Variants in KCNQ5 observed in about 807,000 individuals in gnomAD.
The protein encoded by KCNQ5 is potassium voltage-gated channel subfamily Q member 5.
Under a neutral mutation model 98.2 loss-of-function variants are expected in KCNQ5, and 30 were observed. That is an observed-to-expected ratio of 0.31 (90% CI 0.23 to 0.41). The LOEUF (loss-of-function observed/expected upper bound fraction) is 0.41, where lower values mean the gene tolerates loss of function less well. KCNQ5 is among the 10% of genes least tolerant of loss of function. KCNQ5 has a pLI of 1.00. For synonymous variants in KCNQ5, 458 were observed against 449.4 expected, an observed-to-expected ratio of 1.02 and a Z score of -0.24; for missense variants, 835 against 1,182.5, an observed-to-expected ratio of 0.71 and a Z score of 4.31.
chr6:72,674,479 A>G (rs1767304971), intron 1 of KCNQ5, among the ~76,000 whole-genome samples: 1 of 151,950 alleles, frequency 6.6e-6, no homozygotes, highest in Non-Finnish European at 1.5e-5. Context: ...TTTTTAAGTT[A>G]AAAAAAAGAG....
chr6:73,122,900 G>C (rs188791359), intron 8 of KCNQ5, among the ~76,000 whole-genome samples: 1 of 152,160 alleles, frequency 6.6e-6, no homozygotes, highest in Non-Finnish European at 1.5e-5. Context: ...GACTTAGAGG[G>C]ATCTTTTTAC....
At chr6:72,716,063 A>C (rs1336342665) in intron 1 of KCNQ5, among the ~76,000 whole-genome samples, 1 of 152,128 alleles carries the variant, frequency 6.6e-6, no homozygotes, top group East Asian at 1.9e-4. Flanking sequence ...AAAAATTCCT[A>C]ATATGTTATA....
chr6:72,775,848 C>A (rs1773136861), intron 1 of KCNQ5, among the ~76,000 whole-genome samples: 1 of 152,044 alleles, frequency 6.6e-6, no homozygotes, highest in African/African-American at 2.4e-5. Context: ...ACAAGGAAAG[C>A]CTGAGAACTT....
At chr6:73,104,001 CA>C in intron 5 of KCNQ5, among the ~76,000 whole-genome samples, 1 of 151,724 alleles carries the variant, frequency 6.6e-6, no homozygotes, top group African/African-American at 2.4e-5. Flanking sequence ...TGTGTACCCA[CA>C]AAAATTAAAA....
chr6:72,901,195 AT>A (rs1779490715), intron 1 of KCNQ5, among the ~76,000 whole-genome samples: 2 of 123,484 alleles, frequency 1.6e-5, no homozygotes, highest in African/African-American at 3.1e-5. Flanking sequence ...CCATTTTTTG[AT>A]GGGATTTATT....
intron 1 of KCNQ5, among the ~76,000 whole-genome samples, chr6:72,842,703 T>C (rs933624241): frequency 6.6e-6 from 1 of 152,252 alleles, no homozygotes; most frequent in South Asian, 2.1e-4. Flanking sequence ...TGGTATCTCA[T>C]TGCAGTTTTG....
chr6:73,015,877 T>C (rs929098767), intron 2 of KCNQ5, among the ~76,000 whole-genome samples: 1 of 152,114 alleles, frequency 6.6e-6, no homozygotes, highest in Non-Finnish European at 1.5e-5. Context: ...ACCTCCTCCT[T>C]CCTGAAATAA....
At chr6:73,175,944 T>TA (rs752405251) in intron 11 of KCNQ5, among the ~76,000 whole-genome samples, 3 of 151,880 alleles carry the variant, frequency 2.0e-5, no homozygotes, top group Non-Finnish European at 4.4e-5. Context: ...CTAAGGAGGA[T>TA]ATAGAGGCTG....
At position 72,979,096 on chromosome 6, in the gene KCNQ5, G is replaced by A. The variant is rs184407713; in HGVS notation, c.399-24812G>A. Among the ~76,000 whole-genome samples, 5 of 152,304 alleles carry A rather than the reference G, an allele frequency of 3.3e-5. No individual in the cohort carries two copies. The East Asian group carries it at 9.6e-4, about 29-fold the overall frequency. On this transcript the variant is annotated intron_variant, in intron 1 of 13. Transcript: ENST00000370398. ...CTATCATTGATGAATATTTGGGTTG[G>A]TTCCAAGTCTTTGCTATTGTGAATA...
At chr6:72,839,253 A>G (rs2150131524) in intron 1 of KCNQ5, among the ~76,000 whole-genome samples, 1 of 152,318 alleles carries the variant, frequency 6.6e-6, no homozygotes, top group Middle Eastern at 3.4e-3. Flanking sequence ...TTGTCTTGGT[A>G]TACTGGTGTT....
At chr6:72,649,389 G>A (rs1188280115) in intron 1 of KCNQ5, among the ~76,000 whole-genome samples, 2 of 152,136 alleles carry the variant, frequency 1.3e-5, no homozygotes, top group African/African-American at 4.8e-5. Context: ...TAGGAAACTC[G>A]TGTATAGGCA....
chr6:72,980,271 A>G (rs1407673082), intron 1 of KCNQ5, among the ~76,000 whole-genome samples: 1 of 152,156 alleles, frequency 6.6e-6, no homozygotes, highest in Non-Finnish European at 1.5e-5. Flanking sequence ...CTTGGGCGGT[A>G]TGGCCATTTT....
At chr6:73,014,980 T>C (rs1012590559) in intron 2 of KCNQ5, among the ~76,000 whole-genome samples, 5 of 152,110 alleles carry the variant, frequency 3.3e-5, no homozygotes, top group African/African-American at 1.2e-4. Context: ...CATGAAATTG[T>C]AAGGGTTTGA....
In KCNQ5 at chr6:73,194,637, C is replaced by T. The variant is rs759476280; in HGVS notation, c.2022C>T (p.Gly674=). The T allele has an allele frequency of 6.2e-7, 1 of 1,614,246 alleles. No homozygotes were observed. Among genetic ancestry groups the T allele is most frequent in the South Asian group, 1.1e-5 (1 of 91,090 alleles). ...TTTCGGGTTCCGCACAAAACAGTGG[C>T]TGCTTATCCAGATCAACTAGTGCCA... ...KDLSGSAQNS[G]CLSRSTSANI... is the part of the protein sequence containing the mutation. The change falls in exon 14 of 14, where the codon GGC becomes GGT. Residue 674 remains glycine, a synonymous_variant. Transcript: ENST00000370398.
intron 1 of KCNQ5, among the ~76,000 whole-genome samples, chr6:72,654,428 C>T (rs933166021): frequency 3.3e-5 from 5 of 151,982 alleles, no homozygotes; most frequent in African/African-American, 4.8e-5. Flanking sequence ...TGCATTGGTA[C>T]AGTAACCAAG....
intron 1 of KCNQ5, among the ~76,000 whole-genome samples, chr6:72,903,850 G>C (rs1418918127): frequency 6.6e-6 from 1 of 152,126 alleles, no homozygotes; most frequent in Non-Finnish European, 1.5e-5. Context: ...AAGTCCATTT[G>C]TTCCAAGGTA....
At chr6:72,713,634 T>C (rs998774020) in intron 1 of KCNQ5, among the ~76,000 whole-genome samples, 6 of 152,156 alleles carry the variant, frequency 3.9e-5, no homozygotes, top group Non-Finnish European at 7.4e-5. Context: ...ATACAAATCT[T>C]CATTAACCAA....
chr6:72,919,501 T>C (rs1780299551), intron 1 of KCNQ5, among the ~76,000 whole-genome samples: 1 of 152,208 alleles, frequency 6.6e-6, no homozygotes, highest in African/African-American at 2.4e-5. Context: ...GGGTTAGATA[T>C]AGTTATATGT....
rs563407873 is a variant in KCNQ5, at chr6:72,698,290, G to A, written c.398+75703G>A. 4.6e-5 allele frequency among the ~76,000 whole-genome samples: 7 copies of A among 151,926 alleles called. No homozygotes were observed. In the South Asian group the frequency reaches 1.0e-3, roughly 23 times the overall value. On this transcript the variant is annotated intron_variant, in intron 1 of 13. Coordinates refer to ENST00000370398, the MANE Select transcript of KCNQ5 (RefSeq NM_019842.4). Reference sequence around the variant, plus strand: ...TGATCTTGGCTCACCGGTAACCTCCGCCTCCCAGGCTCAAGCGACTCTCCT... The same window carrying A: ...TGATCTTGGCTCACCGGTAACCTCCACCTCCCAGGCTCAAGCGACTCTCCT...
Sources: allele counts gnomAD v4.1 joint callset (sites outside exome capture counted in the v4.1 genomes callset), GRCh38; gene constraint gnomAD v4.1.1; transcripts MANE v1.5; gene names NCBI Gene and HGNC (gene_info 2026-07-23, HGNC 2026-07-21).